Variants in RNF6 observed in about 807,000 individuals in gnomAD.
RNF6 encodes the protein ring finger protein 6.
Under a neutral mutation model 50.1 loss-of-function variants are expected in RNF6, and 21 were observed. The observed-to-expected ratio is 0.42, with a 90% CI of 0.30 to 0.60. The LOEUF is 0.60. RNF6 is among the 20% of genes least tolerant of loss of function. RNF6 has a pLI of 0.20. For missense variants in RNF6, 698 were observed against 838.2 expected, an observed-to-expected ratio of 0.83 and a Z score of 2.07; for synonymous variants, 255 against 291.8, an observed-to-expected ratio of 0.87 and a Z score of 1.29.
chr13:26,178,792 C>T (rs774694929), intron 5 of RNF6, among the ~76,000 whole-genome samples: 9 of 151,966 alleles, frequency 5.9e-5, no homozygotes, highest in Non-Finnish European at 1.2e-4. Context: ...CCCCATTTTC[C>T]CCTCCCCTGA....
rs1466162693 is a variant in RNF6, at chr13:26,213,150, A to C, written c.*674T>G. The C allele has an allele frequency of 6.6e-6, 1 of 152,606 alleles. No individual in the cohort carries two copies. The highest frequency in any genetic ancestry group is 1.5e-5 in the Non-Finnish European group (1 of 68,014). 9.5% of individuals were successfully genotyped at this position (152,606 alleles called of 1,614,324 possible). A position where few individuals can be genotyped will look rare whatever the true frequency, so the allele number is the denominator to read the frequency against. ...ATTGTCAGAGACGCTTCAGTAAATT[A>C]TCTCTACTTTAAAATTATATCTGAA... On this transcript the variant is annotated 3_prime_UTR_variant, in exon 5 of 5. Coordinates refer to ENST00000381588, the MANE Select transcript of RNF6 (RefSeq NM_005977.4).
chr13:26,167,881 T>C (rs980101988), intron 5 of RNF6, among the ~76,000 whole-genome samples: 1 of 152,156 alleles, frequency 6.6e-6, no homozygotes, highest in African/African-American at 2.4e-5. Flanking sequence ...AAGAATAAGA[T>C]CATATCCTTT....
intron 5 of RNF6, among the ~76,000 whole-genome samples, chr13:26,172,003 C>T (rs1273838299): frequency 1.3e-5 from 2 of 152,044 alleles, no homozygotes; most frequent in Non-Finnish European, 2.9e-5. Context: ...AGTTGCATAA[C>T]TTTGTGAATG....
chr13:26,212,276 A>C (rs923406392), downstream of RNF6, among the ~76,000 whole-genome samples: 16 of 152,190 alleles, frequency 1.1e-4, no homozygotes, highest in African/African-American at 3.9e-4. Context: ...AAAGCCTTCA[A>C]ATCTGATTGA....
intron 5 of RNF6, among the ~76,000 whole-genome samples, chr13:26,171,908 G>A (rs1396450769): frequency 1.3e-5 from 2 of 152,168 alleles, no homozygotes; most frequent in East Asian, 1.9e-4. Context: ...TAGGGGAAGG[G>A]GGTAAAGAAG....
At chr13:26,196,161 GA>G (rs1868649982) in intron 5 of RNF6, among the ~76,000 whole-genome samples, 2 of 152,024 alleles carry the variant, frequency 1.3e-5, no homozygotes. Context: ...TCAAGCTGTA[GA>G]AAACTGAAGA....
Position 26,143,342 on chromosome 13 carries a change from C to T in RNF6, n.769-10891G>A, listed in dbSNP as rs545311996. ...TCCCCTTAGTAGTCAGGATCAATCACCCCATCCAGCAAAGTAACTGTCTTA... is the reference window on the plus strand; with the variant it reads ...TCCCCTTAGTAGTCAGGATCAATCATCCCATCCAGCAAAGTAACTGTCTTA... On this transcript the variant is annotated intron_variant and non_coding_transcript_variant, in intron 5 of 5. Transcript: ENST00000468480. 1.3e-4 allele frequency among the ~76,000 whole-genome samples: 20 copies of T among 152,272 alleles called. No individual in the cohort carries two copies. The South Asian group carries it at 3.9e-3, about 30-fold the overall frequency.
chr13:26,151,184 A>T (rs1871570787), intron 5 of RNF6, among the ~76,000 whole-genome samples: 1 of 152,222 alleles, frequency 6.6e-6, no homozygotes, highest in South Asian at 2.1e-4. Flanking sequence ...CTTTTATTAC[A>T]TCTTGAAAGG....
intron 5 of RNF6, among the ~76,000 whole-genome samples, chr13:26,157,146 TGTG>T (rs1440480086): frequency 6.6e-6 from 1 of 152,194 alleles, no homozygotes; most frequent in Non-Finnish European, 1.5e-5. Context: ...TAAAATTGGT[TGTG>T]GTGATGGTTG....
intron 5 of RNF6, among the ~76,000 whole-genome samples, chr13:26,135,233 T>C (rs1870590465): frequency 7.2e-5 from 11 of 152,226 alleles, no homozygotes; most frequent in Admixed American, 5.9e-4. Context: ...CCTTGAGCCA[T>C]GGCAGTAATT....
intron 5 of RNF6, among the ~76,000 whole-genome samples, chr13:26,196,006 A>G (rs905142349): frequency 6.6e-6 from 1 of 152,360 alleles, no homozygotes; most frequent in Middle Eastern, 3.4e-3. Context: ...CAAAAGAAAA[A>G]CAGAAATAGA....
intron 5 of RNF6, among the ~76,000 whole-genome samples, chr13:26,194,605 AT>A (rs1197709957): frequency 6.6e-6 from 1 of 152,010 alleles, no homozygotes; most frequent in African/African-American, 2.4e-5. Flanking sequence ...TAATGGCTGT[AT>A]TAGTCAGGGT....
chr13:26,137,720 TAG>T (rs1211025004), intron 5 of RNF6, among the ~76,000 whole-genome samples: 6 of 149,828 alleles, frequency 4.0e-5, no homozygotes, highest in Non-Finnish European at 3.0e-5. Flanking sequence ...AGAAATTCAC[TAG>T]AGAGGCTCAA....
At chr13:26,151,677 C>G (rs1871608605) in intron 5 of RNF6, among the ~76,000 whole-genome samples, 1 of 137,898 alleles carries the variant, frequency 7.3e-6, no homozygotes, top group Admixed American at 7.9e-5. Flanking sequence ...AATAATGTGT[C>G]CTAGGTAAGA....
chr13:26,208,722 T>C (rs916879739), downstream of RNF6, among the ~76,000 whole-genome samples: 1 of 152,154 alleles, frequency 6.6e-6, no homozygotes, highest in African/African-American at 2.4e-5. Context: ...ATGGTTGCAA[T>C]GGACTGGTCA....
chr13:26,152,967 A>G (rs1444607184), intron 5 of RNF6, among the ~76,000 whole-genome samples: 1 of 152,056 alleles, frequency 6.6e-6, no homozygotes. Flanking sequence ...AGCCTGACCA[A>G]CATGGCAAAA....
At chr13:26,201,586 A>G (rs558010300) in intron 5 of RNF6, among the ~76,000 whole-genome samples, 62 of 152,318 alleles carry the variant, frequency 4.1e-4, no homozygotes, top group African/African-American at 1.4e-3. Flanking sequence ...GCCTCAATAA[A>G]GCACTTGTTT....
intron 5 of RNF6, among the ~76,000 whole-genome samples, chr13:26,183,884 G>T (rs1566424746): frequency 4.7e-5 from 4 of 86,002 alleles, no homozygotes; most frequent in African/African-American, 1.3e-4. Flanking sequence ...TAAAATATAG[G>T]TTTTTTTATA....
chr13:26,144,726 T>C (rs1871140467), intron 5 of RNF6: 1 of 152,228 alleles, frequency 6.6e-6, no homozygotes, highest in Non-Finnish European at 1.5e-5. Flanking sequence ...TCTTCTTCTC[T>C]GTCAACTGAT....
Sources: allele counts gnomAD v4.1 joint callset (sites outside exome capture counted in the v4.1 genomes callset), GRCh38; gene constraint gnomAD v4.1.1; transcripts MANE v1.5; gene names NCBI Gene and HGNC (gene_info 2026-07-23, HGNC 2026-07-21).